The following TRAPPC9 variants were observed in gnomAD, a reference collection of about 807,000 sequenced individuals.
TRAPPC9 encodes the protein trafficking protein particle complex subunit 9, also known as IKK2 binding protein.
In TRAPPC9, 83 loss-of-function variants were observed where a neutral mutation model predicts 124.0. The ratio of observed to expected loss-of-function variants is 0.67; its 90% CI spans 0.56 to 0.80. TRAPPC9 has a LOEUF of 0.80. Ranked by LOEUF, TRAPPC9 falls within the 30% of genes least tolerant of loss-of-function variation. TRAPPC9 has a pLI of 0.00. For missense variants in TRAPPC9, 1,302 were observed against 1,508.3 expected (o/e 0.86, Z 2.27); for synonymous variants, 638 against 617.5 (o/e 1.03, Z -0.49).
chr8:139,959,941 G>A (rs1835264405), intron 19 of TRAPPC9, among the ~76,000 whole-genome samples: 1 of 152,216 alleles, frequency 6.6e-6, no homozygotes, highest in African/African-American at 2.4e-5. Context: ...AAGACACAGA[G>A]AGCAAGGGCT....
intron 19 of TRAPPC9, among the ~76,000 whole-genome samples, chr8:139,978,935 C>A (rs1836682790): frequency 6.6e-6 from 1 of 152,060 alleles, no homozygotes; most frequent in South Asian, 2.1e-4. Context: ...GAGTTGCTTT[C>A]TTCATAGACG....
chr8:140,195,366 A>T (rs2131113977), intron 17 of TRAPPC9, among the ~76,000 whole-genome samples: 1 of 152,034 alleles, frequency 6.6e-6, no homozygotes, highest in East Asian at 1.9e-4. Context: ...CACTGTACAG[A>T]TCACACCTGT....
intron 14 of TRAPPC9, among the ~76,000 whole-genome samples, chr8:140,282,502 C>CAAA (rs549294612): frequency 6.0e-5 from 6 of 99,710 alleles, no homozygotes; most frequent in African/African-American, 7.3e-5. Context: ...GACTCCACCT[C>CAAA]AAAAAAAAAA....
intron 21 of TRAPPC9, among the ~76,000 whole-genome samples, chr8:139,831,900 C>T (rs979371289): frequency 6.6e-6 from 1 of 152,244 alleles, no homozygotes; most frequent in Admixed American, 6.5e-5. Flanking sequence ...CTTCCGCCCA[C>T]TCCGTCACGT....
chr8:139,784,904 C>A (rs1822115638), intron 21 of TRAPPC9, among the ~76,000 whole-genome samples: 1 of 151,824 alleles, frequency 6.6e-6, no homozygotes, highest in South Asian at 2.1e-4. Context: ...ACGTATTCAA[C>A]ATCATTCCAA....
intron 21 of TRAPPC9, among the ~76,000 whole-genome samples, chr8:139,798,522 A>G: frequency 6.6e-6 from 1 of 152,162 alleles, no homozygotes; most frequent in African/African-American, 2.4e-5. Flanking sequence ...TGCTCCAGAG[A>G]CTGCTTGCTT....
chr8:140,113,281 G>A (rs1428263042), intron 17 of TRAPPC9, among the ~76,000 whole-genome samples: 1 of 152,238 alleles, frequency 6.6e-6, no homozygotes, highest in African/African-American at 2.4e-5. Flanking sequence ...AGCATGTGCT[G>A]CATCATGGGG....
Position 140,220,195 on chromosome 8 carries a change from G to A in TRAPPC9, c.2556+1264C>T, listed in dbSNP as rs555549992. Among the ~76,000 whole-genome samples the A allele has an allele frequency of 7.9e-5, 12 of 152,318 alleles. No homozygotes were observed. The East Asian group carries it at 2.3e-3, about 29-fold the overall frequency. ...ACGCAGCGCCAGGGGAGGGTGGTGG[G>A]GCTCAGCCTCCAACTTGCTACGATC... On this transcript the variant is annotated intron_variant, in intron 17 of 22. Transcript: ENST00000438773.
chr8:139,883,821 C>T (rs1252987869), intron 21 of TRAPPC9, among the ~76,000 whole-genome samples: 1 of 152,354 alleles, frequency 6.6e-6, no homozygotes, highest in Non-Finnish European at 1.5e-5. Flanking sequence ...GTGCTCCCGG[C>T]TCTGCTCACT....
chr8:140,442,241 C>A (rs929577870), intron 2 of TRAPPC9, among the ~76,000 whole-genome samples: 1 of 152,126 alleles, frequency 6.6e-6, no homozygotes, highest in Non-Finnish European at 1.5e-5. Context: ...CATATAAATA[C>A]TCTTATAGTT....
At chr8:139,799,361 G>A (rs1823313371) in intron 21 of TRAPPC9, among the ~76,000 whole-genome samples, 2 of 152,056 alleles carry the variant, frequency 1.3e-5, no homozygotes, top group African/African-American at 2.4e-5. Context: ...ACATGCACAC[G>A]ATCCAGAGAT....
At chr8:139,976,338 C>T (rs1039232404) in intron 19 of TRAPPC9, among the ~76,000 whole-genome samples, 4 of 152,246 alleles carry the variant, frequency 2.6e-5, no homozygotes, top group Admixed American at 6.5e-5. Context: ...CTTCTAAAAA[C>T]AACATAGGAG....
At chr8:140,219,057 G>C (rs758702632) in intron 17 of TRAPPC9, among the ~76,000 whole-genome samples, 4 of 152,146 alleles carry the variant, frequency 2.6e-5, no homozygotes, top group Non-Finnish European at 4.4e-5. Context: ...TTGGGGAAAT[G>C]ATAAAACAGC....
intron 16 of TRAPPC9, among the ~76,000 whole-genome samples, chr8:140,233,336 C>G (rs1008491024): frequency 3.3e-5 from 5 of 152,036 alleles, no homozygotes; most frequent in African/African-American, 1.2e-4. Flanking sequence ...TCCCGAGTAG[C>G]TGGGATCACA....
chr8:139,906,019 G>A (rs985991672), intron 20 of TRAPPC9, among the ~76,000 whole-genome samples: 21 of 152,070 alleles, frequency 1.4e-4, no homozygotes, highest in African/African-American at 3.9e-4. Context: ...TCTGGAACCC[G>A]GGAGGCGGAG....
chr8:140,404,013 T>TA (rs953625971), intron 6 of TRAPPC9, among the ~76,000 whole-genome samples: 2 of 151,836 alleles, frequency 1.3e-5, no homozygotes, highest in Admixed American at 6.6e-5. Flanking sequence ...ATTGTTCCCT[T>TA]AAAAAAAATC....
chr8:139,830,198 A>G (rs1009017722), intron 21 of TRAPPC9, among the ~76,000 whole-genome samples: 1 of 152,114 alleles, frequency 6.6e-6, no homozygotes, highest in Non-Finnish European at 1.5e-5. Context: ...ACAAACACAT[A>G]CACACACATG....
chr8:139,731,318 G>T, intron 22 of TRAPPC9, 90 bp from the exon 23 acceptor site: 1 of 1,501,566 alleles, frequency 6.7e-7, no homozygotes, highest in South Asian at 1.2e-5. Context: ...CCTGGACATA[G>T]GTGTTATGGG....
intron 21 of TRAPPC9, among the ~76,000 whole-genome samples, chr8:139,800,138 G>A (rs1239458347): frequency 1.3e-5 from 2 of 152,266 alleles, no homozygotes; most frequent in East Asian, 1.9e-4. Flanking sequence ...GCCAGACTGC[G>A]CTCCTGCCGC....
Sources: gnomAD v4.1 joint callset for allele counts (sites outside exome capture counted in the v4.1 genomes callset) on GRCh38, gnomAD v4.1.1 for gene constraint, MANE v1.5 for transcripts, NCBI Gene and HGNC (gene_info 2026-07-23, HGNC 2026-07-21) for gene names.